The following ZNF236 variants were observed in gnomAD, a reference collection of about 807,000 sequenced individuals.
ZNF236 encodes zinc finger protein 236.
A neutral mutation model predicts 191.2 loss-of-function variants in ZNF236; 50 were observed. The ratio of observed to expected loss-of-function variants is 0.26; its 90% CI spans 0.21 to 0.33. The LOEUF (loss-of-function observed/expected upper bound fraction) is 0.33. Ranked by LOEUF, ZNF236 falls within the 10% of genes least tolerant of loss-of-function variation. ZNF236 has a pLI of 1.00. For synonymous variants in ZNF236, 907 were observed against 928.8 expected (o/e 0.98, Z 0.43); for missense variants, 1,754 against 2,374.5 (o/e 0.74, Z 5.43).
At chr18:76,895,391 A>C in intron 10 of ZNF236, 106 bp downstream of exon 10, 1 of 1,447,276 alleles carries the variant, frequency 6.9e-7, no homozygotes, top group Non-Finnish European at 9.4e-7. Flanking sequence ...GCACACAGGT[A>C]CTGCACACAA....
chr18:76,945,280 G>GT (rs1445977363), intron 26 of ZNF236, among the ~76,000 whole-genome samples: 1 of 152,154 alleles, frequency 6.6e-6, no homozygotes, highest in East Asian at 1.9e-4. Flanking sequence ...CTGACCAGCA[G>GT]TTTTTTTGGT....
intron 1 of ZNF236, among the ~76,000 whole-genome samples, chr18:76,838,856 C>T (rs1157635897): frequency 6.6e-6 from 1 of 152,202 alleles, no homozygotes; most frequent in Admixed American, 6.5e-5. Flanking sequence ...AAGTGGCACC[C>T]TAAGAAATCT....
At chr18:76,823,889 C>T (rs973805496) in intron 1 of ZNF236, among the ~76,000 whole-genome samples, 1 of 152,198 alleles carries the variant, frequency 6.6e-6, no homozygotes, top group Non-Finnish European at 1.5e-5. Context: ...GGACGCGAGT[C>T]TCCCCCTGCA....
At chr18:76,891,663 C>T (rs1480796789) in intron 9 of ZNF236, among the ~76,000 whole-genome samples, 1 of 152,158 alleles carries the variant, frequency 6.6e-6, no homozygotes, top group Non-Finnish European at 1.5e-5. Flanking sequence ...CAGTCATGAG[C>T]CACTATGCTT....
intron 11 of ZNF236, among the ~76,000 whole-genome samples, chr18:76,902,093 G>A (rs756328021): frequency 6.6e-6 from 1 of 152,204 alleles, no homozygotes; most frequent in Non-Finnish European, 1.5e-5. Context: ...GCAGATACTT[G>A]TATCTTAGAC....
chr18:76,874,758 G>A (rs1018218006), intron 5 of ZNF236, among the ~76,000 whole-genome samples: 2 of 117,904 alleles, frequency 1.7e-5, no homozygotes, highest in African/African-American at 6.8e-5. Flanking sequence ...CCCAGGCGGC[G>A]GATTTCAGAG....
Position 76,956,210 on chromosome 18 carries a change from G to A in ZNF236, c.5112+28G>A, listed in dbSNP as rs986354384. On this transcript the variant is annotated intron_variant, in intron 28 of 30. Coordinates refer to ENST00000320610, the MANE Select transcript of ZNF236 (RefSeq NM_001306089.2). ...AGGCCCACTGTGCCAGGGCACAGCT[G>A]TGTGCCCCCCAGGCGGCTAGAGATG... The A allele has an allele frequency of 7.8e-6, 12 of 1,539,992 alleles. No individual in the cohort carries two copies. In the Admixed American group the frequency reaches 1.6e-4, roughly 20 times the overall value.
At position 76,956,148 on chromosome 18, in the gene ZNF236, G is replaced by T; in HGVS notation, c.5078G>T (p.Cys1693Phe). 6.4e-7 allele frequency: 1 copy of T among 1,562,576 alleles called. No homozygotes were observed. Among genetic ancestry groups the T allele is most frequent in the Admixed American group, 1.9e-5 (1 of 52,732 alleles). ...GAGCGCATCCACGGCTGCCCCGTGT[G>T]CAGGAAGGCCTTCAAGCGCGCCACG... ...GRERIHGCPV[C>F]RKAFKRATHL... Residue 1693 changes from cysteine to phenylalanine, a missense_variant, in exon 28 of 31, where the codon TGC becomes TTC. This residue lies in a region of ZNF236 where 606 missense variants were observed against 761.5 expected (regional missense o/e 0.80). Coordinates refer to ENST00000320610, the MANE Select transcript of ZNF236 (RefSeq NM_001306089.2).
At chr18:76,839,018 A>G (rs1975410148) in intron 1 of ZNF236, among the ~76,000 whole-genome samples, 1 of 152,242 alleles carries the variant, frequency 6.6e-6, no homozygotes, top group African/African-American at 2.4e-5. Context: ...TTCTTTTGGT[A>G]AAAATGTGAG....
chr18:76,882,394 A>G (rs926457269), intron 9 of ZNF236, among the ~76,000 whole-genome samples: 4 of 152,182 alleles, frequency 2.6e-5, no homozygotes, highest in African/African-American at 9.7e-5. Flanking sequence ...GCAGTCTAAT[A>G]TCCCTTCTAG....
At chr18:76,951,335 G>A (rs988507525) in intron 27 of ZNF236, among the ~76,000 whole-genome samples, 1 of 152,162 alleles carries the variant, frequency 6.6e-6, no homozygotes, top group Non-Finnish European at 1.5e-5. Flanking sequence ...TTGTTTAATG[G>A]AGTGACCTTC....
chr18:76,896,586 G>T (rs1302993874), intron 10 of ZNF236, among the ~76,000 whole-genome samples: 3 of 150,698 alleles, frequency 2.0e-5, no homozygotes, highest in Non-Finnish European at 4.4e-5. Flanking sequence ...CTGCACACAA[G>T]TACTGCACAC....
intron 1 of ZNF236, among the ~76,000 whole-genome samples, chr18:76,836,844 G>T (rs1469944252): frequency 2.0e-5 from 3 of 151,128 alleles, no homozygotes; most frequent in Admixed American, 6.6e-5. Context: ...CCCAAAGTGC[G>T]GGGATTACAG....
rs778948029 is a variant in ZNF236, at chr18:76,881,450, G to A, written c.1355G>A (p.Ser452Asn). The change falls in exon 9 of 31, where the codon AGC (serine) becomes AAC (asparagine). Residue 452 changes from serine (S) to asparagine (N), a missense_variant. This residue lies in a region of ZNF236 where 126 missense variants were observed against 110.9 expected (regional missense o/e 1.14). Transcript: ENST00000320610. ...GCAGAGCAAGAAAAAGAACAGGAAA[G>A]CCCGGAGAAACTGGATAAAAAAGAA... Reference protein sequence around the residue: ...TDAEQEKEQESPEKLDKKEKK... With the variant: ...TDAEQEKEQENPEKLDKKEKK... 2 of 1,613,824 alleles carry A rather than the reference G, an allele frequency of 1.2e-6. No individual in the cohort carries two copies. The highest frequency in any genetic ancestry group is 3.3e-5 in the Admixed American group (2 of 59,976).
chr18:76,879,500 G>A (rs1599358231), intron 7 of ZNF236, among the ~76,000 whole-genome samples: 1 of 152,152 alleles, frequency 6.6e-6, no homozygotes, highest in African/African-American at 2.4e-5. Flanking sequence ...TCCATTCAAC[G>A]GGTTTTGACA....
intron 1 of ZNF236, among the ~76,000 whole-genome samples, chr18:76,836,993 A>G (rs1975349005): frequency 1.3e-5 from 2 of 152,004 alleles, no homozygotes; most frequent in Non-Finnish European, 2.9e-5. Context: ...CTCGTGCCTC[A>G]GCCTCTGGAG....
At chr18:76,877,102 T>G (rs1249277339) in intron 6 of ZNF236, among the ~76,000 whole-genome samples, 1 of 152,238 alleles carries the variant, frequency 6.6e-6, no homozygotes, top group Non-Finnish European at 1.5e-5. Context: ...CTACAGTAAC[T>G]AACACTGGGT....
intron 1 of ZNF236, chr18:76,834,390 C>G: frequency 7.6e-6 from 1 of 131,518 alleles, no homozygotes; most frequent in Non-Finnish European, 1.6e-5. Flanking sequence ...TTTTTTTTTT[C>G]ATTTCAAGTT....
intron 7 of ZNF236, among the ~76,000 whole-genome samples, chr18:76,878,454 A>C (rs923487086): frequency 2.0e-5 from 3 of 152,240 alleles, no homozygotes; most frequent in Non-Finnish European, 4.4e-5. Context: ...TTATAATTTA[A>C]GAATTAATTA....
Sources: gnomAD v4.1 joint callset for allele counts (sites outside exome capture counted in the v4.1 genomes callset) on GRCh38, gnomAD v4.1.1 for gene constraint, gnomAD v4.1.1 regional missense constraint, MANE v1.5 for transcripts, NCBI Gene and HGNC (gene_info 2026-07-23, HGNC 2026-07-21) for gene names.